Variants in LCN1 observed in about 807,000 individuals in gnomAD.
LCN1 encodes lipocalin 1.
Under a neutral mutation model 22.3 loss-of-function variants are expected in LCN1, and 25 were observed. The ratio of observed to expected loss-of-function variants is 1.12; its 90% CI spans 0.82 to 1.56. LCN1 has a LOEUF of 1.56. LCN1 is among the 40% of genes most tolerant of loss of function. The pLI, the probability that LCN1 is intolerant of heterozygous loss-of-function variation, is 0.00. For missense variants in LCN1, 219 were observed against 235.6 expected, an observed-to-expected ratio of 0.93 and a Z score of 0.46; for synonymous variants, 85 against 97.6, an observed-to-expected ratio of 0.87 and a Z score of 0.76.
Position 135,521,918 on chromosome 9 carries a change from T to C in LCN1, c.91-129T>C, listed in dbSNP as rs187256761. 11 of 1,423,596 alleles carry C rather than the reference T, an allele frequency of 7.7e-6. No individual in the cohort carries two copies. In the East Asian group the frequency reaches 2.5e-4, roughly 33 times the overall value. 88.2% of individuals were successfully genotyped at this position (1,423,596 alleles called of 1,614,324 possible). A position where few individuals can be genotyped will look rare whatever the true frequency, so the allele number is the denominator to read the frequency against. On this transcript the variant is annotated intron_variant, in intron 1 of 6. Transcript: ENST00000371781. ...GCGAGGGTGCTGGGTGTTTTCTGGG[T>C]GGGTTAGATTGGGGAACGTTCCCCG...
At chr9:135,524,798 C>T (rs1476117525) in intron 4 of LCN1, 32 bp from the exon 5 acceptor site, 9 of 1,548,062 alleles carry the variant, frequency 5.8e-6, no homozygotes, top group East Asian at 4.8e-5. Context: ...AGTGCTGCCT[C>T]GAGCACCCAC....
intron 4 of LCN1, among the ~76,000 whole-genome samples, chr9:135,524,396 T>A (rs943292001): frequency 1.3e-5 from 2 of 152,158 alleles, no homozygotes; most frequent in African/African-American, 2.4e-5. Context: ...CGGGGTTGAA[T>A]TCCGGACGCG....
rs1207871413 is a variant in LCN1, at chr9:135,521,601, G to A, written c.90+14G>A. 1.3e-6 allele frequency: 2 copies of A among 1,598,652 alleles called. No individual in the cohort carries two copies. The highest frequency in any genetic ancestry group is 3.4e-5 in the Admixed American group (2 of 58,702). On this transcript the variant is annotated intron_variant, in intron 1 of 6. Coordinates refer to ENST00000371781, the MANE Select transcript of LCN1 (RefSeq NM_002297.4). The stretch of plus-strand genomic sequence containing the variant: ...GAGATTCAGGATGTGAGGCCCGGAT[G>A]GGAAGGCTGGGCTGGAGGGGGCAAG...
At position 135,526,469 on chromosome 9, in the gene LCN1, AC is replaced by A; in HGVS notation, c.*133del. ...GCGGCTGGCTGCACCCCTTCCTACC[AC>A]CCCCCGCCTTCCCCCTGCCCTGCGC... On this transcript the variant is annotated 3_prime_UTR_variant, in exon 7 of 7. Coordinates refer to ENST00000371781, the MANE Select transcript of LCN1 (RefSeq NM_002297.4). 2.6e-6 allele frequency: 3 copies of A among 1,175,046 alleles called. No individual in the cohort carries two copies. The highest frequency in any genetic ancestry group is 3.3e-6 in the Non-Finnish European group (3 of 898,278). 72.8% of individuals were successfully genotyped at this position (1,175,046 alleles called of 1,614,324 possible).
chr9:135,524,421 T>C (rs1449273627), intron 4 of LCN1, among the ~76,000 whole-genome samples: 1 of 152,092 alleles, frequency 6.6e-6, no homozygotes, highest in African/African-American at 2.4e-5. Context: ...CTCCCACAGA[T>C]GGTGACTCAT....
intron 2 of LCN1, among the ~76,000 whole-genome samples, chr9:135,522,723 T>C (rs887900768): frequency 6.6e-6 from 1 of 152,218 alleles, no homozygotes; most frequent in Non-Finnish European, 1.5e-5. Context: ...CTGAGTGGCA[T>C]GCAGTGCCTG....
intron 6 of LCN1, among the ~76,000 whole-genome samples, chr9:135,525,425 A>AC (rs1831613249): frequency 6.6e-6 from 1 of 151,568 alleles, no homozygotes; most frequent in South Asian, 2.1e-4. Flanking sequence ...GACGGTGTCT[A>AC]CCCCCCAGTC....
At chr9:135,523,180 C>A in intron 2 of LCN1, 52 bp from the exon 3 acceptor site, 1 of 1,550,358 alleles carries the variant, frequency 6.5e-7, no homozygotes, top group Non-Finnish European at 8.8e-7. Context: ...TGCTCCAGGG[C>A]CGGGGGAGGC....
At chr9:135,526,020 CCGAGAGCCCACA>C (rs1831636038) in intron 6 of LCN1, among the ~76,000 whole-genome samples, 1 of 133,802 alleles carries the variant, frequency 7.5e-6, no homozygotes, top group African/African-American at 3.0e-5. Context: ...ACCATAGCCC[CCGAGAGCCCACA>C]TGTGCCCACA....
At chr9:135,524,994 T>C (rs1174931294) in intron 5 of LCN1, 63 bp downstream of exon 5, 2 of 1,557,398 alleles carry the variant, frequency 1.3e-6, no homozygotes, top group African/African-American at 1.4e-5. Context: ...CAGAGCTGCA[T>C]TGCACGGGCG....
In LCN1 at chr9:135,524,911, T is replaced by A; in HGVS notation, c.485T>A (p.Ile162Asn). The change falls in exon 5 of 7, where the codon ATC becomes AAC. Residue 162 changes from isoleucine to asparagine, a missense_variant. Ile to Asn is a moderately radical substitution (Grantham distance 149). Transcript: ENST00000371781. ...GCCCGCGGACTCAGCACGGAGAGCATCCTCATCCCCAGGCAGAGCGGTAGG... is the reference window on the plus strand; with the variant it reads ...GCCCGCGGACTCAGCACGGAGAGCAACCTCATCCCCAGGCAGAGCGGTAGG... Reference protein sequence around the residue: ...AGARGLSTESILIPRQSETCS... With the variant: ...AGARGLSTESNLIPRQSETCS... 3 of 1,607,280 alleles carry A rather than the reference T, an allele frequency of 1.9e-6. No homozygotes were observed. The highest frequency in any genetic ancestry group is 2.5e-6 in the Non-Finnish European group (3 of 1,177,264).
intron 3 of LCN1, 40 bp from the exon 4 acceptor site, chr9:135,523,840 C>A: frequency 6.4e-7 from 1 of 1,561,656 alleles, no homozygotes; most frequent in South Asian, 1.1e-5. Context: ...TCTGAAGTCC[C>A]TGGTGGCTAA....
chr9:135,523,833 G>A, intron 3 of LCN1, 47 bp from the exon 4 acceptor site: 4 of 1,529,934 alleles, frequency 2.6e-6, no homozygotes, highest in Non-Finnish European at 3.6e-6. Context: ...GATCCTCTCT[G>A]AAGTCCCTGG....
intron 6 of LCN1, 35 bp from the exon 7 acceptor site, chr9:135,526,308 CT>C (rs1831648781): frequency 9.2e-7 from 1 of 1,085,758 alleles, no homozygotes; most frequent in East Asian, 7.4e-5. Flanking sequence ...CCCACCCTTG[CT>C]GTCCTGGCCT....
rs1379050593 is a variant in LCN1, at chr9:135,524,149, AC to A, written c.403+163del. ...TTTCCTGATAAAGGCCTCAATTCCC[AC>A]CCCTGGAGTTCAGGATTTGGGATGC... On this transcript the variant is annotated intron_variant, in intron 4 of 6. Coordinates refer to ENST00000371781, the MANE Select transcript of LCN1 (RefSeq NM_002297.4). Among the ~76,000 whole-genome samples, 4 of 151,892 alleles carry A rather than the reference AC, an allele frequency of 2.6e-5. No homozygotes were observed. The East Asian group carries it at 7.8e-4, about 29-fold the overall frequency.
rs1408885740 is a variant in LCN1, at chr9:135,521,506, C to G, written c.9C>G (p.Pro3=). Reference sequence around the variant, plus strand: ...GGACTCAGACTCCGGAGATGAAGCCCCTGCTCCTGGCCGTCAGCCTTGGCC... The same window carrying G: ...GGACTCAGACTCCGGAGATGAAGCCGCTGCTCCTGGCCGTCAGCCTTGGCC... MK[P]LLLAVSLGLI... Residue 3 remains proline, a synonymous_variant, in exon 1 of 7, where the codon CCC becomes CCG. Coordinates refer to ENST00000371781, the MANE Select transcript of LCN1 (RefSeq NM_002297.4). 1 of 1,612,404 alleles carries G rather than the reference C, an allele frequency of 6.2e-7. No individual in the cohort carries two copies. The highest frequency in any genetic ancestry group is 8.5e-7 in the Non-Finnish European group (1 of 1,179,940).
intron 1 of LCN1, among the ~76,000 whole-genome samples, 168 bp downstream of exon 1, chr9:135,521,755 G>A (rs1424884142): frequency 6.6e-6 from 1 of 152,122 alleles, no homozygotes; most frequent in African/African-American, 2.4e-5. Context: ...TGGGCTGGCA[G>A]GGTAGGTGGC....
rs373116403 is a variant in LCN1, at chr9:135,524,925, C to A, written c.499C>A (p.Gln167Lys). The A allele has an allele frequency of 1.9e-6, 3 of 1,605,562 alleles. No homozygotes were observed. The East Asian group carries it at 6.8e-5, about 36-fold the overall frequency. ...LSTESILIPRQSETCSPGSD is the reference protein window; with the variant it reads ...LSTESILIPRKSETCSPGSD ...CACGGAGAGCATCCTCATCCCCAGG[C>A]AGAGCGGTAGGAGGCATGGCCCTGC... Residue 167 changes from glutamine to lysine, a missense_variant, in exon 5 of 7, where the codon CAG becomes AAG. Transcript: ENST00000371781.
Position 135,521,487 on chromosome 9 carries a change from A to C in LCN1, c.-11A>C. On this transcript the variant is annotated 5_prime_UTR_variant, in exon 1 of 7. Coordinates refer to ENST00000371781, the MANE Select transcript of LCN1 (RefSeq NM_002297.4). ...CGACCTGTCAGGCGGCCGTGGACTCAGACTCCGGAGATGAAGCCCCTGCTC... is the reference window on the plus strand; with the variant it reads ...CGACCTGTCAGGCGGCCGTGGACTCCGACTCCGGAGATGAAGCCCCTGCTC... 1 of 1,610,806 alleles carries C rather than the reference A, an allele frequency of 6.2e-7. No individual in the cohort carries two copies. The highest frequency in any genetic ancestry group is 8.5e-7 in the Non-Finnish European group (1 of 1,179,186).
Sources: gnomAD v4.1 joint callset for allele counts (sites outside exome capture counted in the v4.1 genomes callset) on GRCh38, gnomAD v4.1.1 for gene constraint, MANE v1.5 for transcripts, NCBI Gene and HGNC (gene_info 2026-07-23, HGNC 2026-07-21) for gene names.